Variants in AP3B1 observed in about 807,000 individuals in gnomAD.
AP3B1 encodes the protein adaptor related protein complex 3 subunit beta 1, also known as AP-3 complex subunit beta-1.
In AP3B1, 61 loss-of-function variants were observed where a neutral mutation model predicts 132.5. That is an observed-to-expected ratio of 0.46 (90% CI 0.37 to 0.57). AP3B1 has a LOEUF of 0.57. AP3B1 is among the 20% of genes least tolerant of loss of function. The pLI, the probability that AP3B1 is intolerant of heterozygous loss-of-function variation, is 0.00. For synonymous variants in AP3B1, 388 were observed against 438.3 expected, an observed-to-expected ratio of 0.89 and a Z score of 1.43; for missense variants, 1,120 against 1,289.4, an observed-to-expected ratio of 0.87 and a Z score of 2.01.
chr5:78,154,289 T>C (rs1743047339), intron 14 of AP3B1, among the ~76,000 whole-genome samples: 2 of 152,348 alleles, frequency 1.3e-5, no homozygotes, highest in South Asian at 4.1e-4. Context: ...TCCCCTGGCC[T>C]GTAAAGTTTC....
chr5:78,088,548 T>C (rs1252763840), intron 22 of AP3B1, among the ~76,000 whole-genome samples: 1 of 152,186 alleles, frequency 6.6e-6, no homozygotes, highest in Non-Finnish European at 1.5e-5. Flanking sequence ...TCTCCCACTT[T>C]TGGCAGAAGC....
chr5:78,161,452 G>A (rs1467510448), intron 13 of AP3B1, among the ~76,000 whole-genome samples: 1 of 151,908 alleles, frequency 6.6e-6, no homozygotes, highest in East Asian at 1.9e-4. Flanking sequence ...ATTTTCCCAA[G>A]GTGTGTATTT....
At chr5:78,145,950 T>C (rs1753371987) in intron 14 of AP3B1, among the ~76,000 whole-genome samples, 2 of 152,220 alleles carry the variant, frequency 1.3e-5, no homozygotes, top group Non-Finnish European at 2.9e-5. Flanking sequence ...ATGCTCAATA[T>C]TGACCCATTG....
intron 1 of AP3B1, among the ~76,000 whole-genome samples, chr5:78,281,773 G>C (rs1749067990): frequency 1.3e-5 from 2 of 152,112 alleles, no homozygotes; most frequent in Non-Finnish European, 2.9e-5. Context: ...AATGGGTGCA[G>C]AGTTTCAGTG....
intron 22 of AP3B1, among the ~76,000 whole-genome samples, chr5:78,050,610 TAAAG>T (rs1363891123): frequency 2.0e-5 from 3 of 152,160 alleles, no homozygotes; most frequent in South Asian, 2.1e-4. Flanking sequence ...TGTGAACAAA[TAAAG>T]AAGTACATTT....
chr5:78,069,988 C>G (rs1481367644), intron 22 of AP3B1, among the ~76,000 whole-genome samples: 1 of 152,092 alleles, frequency 6.6e-6, no homozygotes, highest in Non-Finnish European at 1.5e-5. Context: ...CGGACAAAAA[C>G]AAGCAATAGG....
At chr5:78,054,849 G>A (rs577648571) in intron 22 of AP3B1, among the ~76,000 whole-genome samples, 2 of 152,206 alleles carry the variant, frequency 1.3e-5, no homozygotes, top group African/African-American at 2.4e-5. Flanking sequence ...TGGGTATAGT[G>A]ATTTTAAACT....
chr5:78,046,213 G>C (rs1413368984), intron 22 of AP3B1, among the ~76,000 whole-genome samples: 1 of 152,098 alleles, frequency 6.6e-6, no homozygotes, highest in African/African-American at 2.4e-5. Flanking sequence ...CGCACAGCAG[G>C]AGGTGAGTGG....
At chr5:78,221,997 T>C (rs968080424) in intron 6 of AP3B1, among the ~76,000 whole-genome samples, 1 of 152,000 alleles carries the variant, frequency 6.6e-6, no homozygotes, top group Non-Finnish European at 1.5e-5. Flanking sequence ...ATGCCCACCA[T>C]CTCCACTACT....
intron 2 of AP3B1, among the ~76,000 whole-genome samples, chr5:78,258,436 G>A (rs1234477802): frequency 1.3e-5 from 2 of 152,182 alleles, no homozygotes; most frequent in African/African-American, 4.8e-5. Context: ...ATTAAAAGAT[G>A]CTGAACATCA....
chr5:78,285,335 C>T (rs1038615413), intron 1 of AP3B1, among the ~76,000 whole-genome samples: 2 of 152,102 alleles, frequency 1.3e-5, no homozygotes, highest in African/African-American at 4.8e-5. Flanking sequence ...ACCAGTGCAC[C>T]TAAACTGCTT....
intron 2 of AP3B1, among the ~76,000 whole-genome samples, chr5:78,263,114 A>G (rs77371523): frequency 0.037 from 5,698 of 152,204 alleles, 160 homozygotes; most frequent in East Asian, 0.14. Context: ...GATCATTTTG[A>G]CATCTTAACA....
At chr5:78,229,578 A>AC (rs1427108754) in intron 3 of AP3B1, among the ~76,000 whole-genome samples, 4 of 150,504 alleles carry the variant, frequency 2.7e-5, no homozygotes, top group African/African-American at 7.3e-5. Flanking sequence ...AGTAAAACAA[A>AC]AAAAAAAAAA....
At chr5:78,270,986 A>G (rs1489164390) in intron 1 of AP3B1, among the ~76,000 whole-genome samples, 1 of 152,252 alleles carries the variant, frequency 6.6e-6, no homozygotes, top group Non-Finnish European at 1.5e-5. Context: ...AAAAGAAACA[A>G]CAAACATAAT....
intron 26 of AP3B1, among the ~76,000 whole-genome samples, chr5:78,006,363 T>A (rs182376902): frequency 9.8e-5 from 15 of 152,330 alleles, no homozygotes; most frequent in Admixed American, 9.8e-4. Context: ...TTTTCCCATT[T>A]ACCTAATATA....
intron 22 of AP3B1, among the ~76,000 whole-genome samples, chr5:78,075,931 G>A (rs75769879): frequency 0.027 from 4,038 of 152,236 alleles, 195 homozygotes; most frequent in African/African-American, 0.092. Context: ...CGAAGAGTAC[G>A]GACTATGAAA....
At chr5:78,016,291 TAC>T (rs1746851460) in intron 25 of AP3B1, among the ~76,000 whole-genome samples, 1 of 152,034 alleles carries the variant, frequency 6.6e-6, no homozygotes, top group African/African-American at 2.4e-5. Context: ...AAAAAAACCA[TAC>T]AGAGTTAATG....
chr5:78,025,170 T>C (rs1333562723), intron 24 of AP3B1, among the ~76,000 whole-genome samples: 1 of 152,238 alleles, frequency 6.6e-6, no homozygotes, highest in Non-Finnish European at 1.5e-5. Flanking sequence ...ACCACTGAGT[T>C]ACATCATTAT....
In AP3B1 at chr5:78,241,204, A is replaced by AT. The variant is rs34571884; in HGVS notation, c.205-269dup. 0.28 allele frequency among the ~76,000 whole-genome samples: 40,376 copies of AT among 146,060 alleles called. 5,542 individuals are homozygous for AT. The highest frequency in any genetic ancestry group is 0.34 in the Middle Eastern group (98 of 288). ...TCTCTGGCTAACTGGGTTATAAGTA[A>AT]TTTTTTTTTTTTTTAGACAGATCCT... On this transcript the variant is annotated intron_variant, in intron 2 of 26. Coordinates refer to ENST00000255194, the MANE Select transcript of AP3B1 (RefSeq NM_003664.5).
Sources: gnomAD v4.1 joint callset for allele counts (sites outside exome capture counted in the v4.1 genomes callset) on GRCh38, gnomAD v4.1.1 for gene constraint, MANE v1.5 for transcripts, NCBI Gene and HGNC (gene_info 2026-07-23, HGNC 2026-07-21) for gene names.